The following LRMDA variants were observed in gnomAD, a reference collection of about 807,000 sequenced individuals.
LRMDA encodes the protein leucine-rich melanocyte differentiation-associated protein.
In LRMDA, 18 loss-of-function variants were observed where a neutral mutation model predicts 29.8. The observed-to-expected ratio is 0.60, with a 90% CI of 0.42 to 0.90. LRMDA has a LOEUF of 0.90. Ranked by LOEUF, LRMDA falls within the 40% of genes least tolerant of loss-of-function variation. The pLI, the probability that LRMDA is intolerant of heterozygous loss-of-function variation, is 0.00. For missense variants in LRMDA, 273 were observed against 273.9 expected (o/e 1.00, Z 0.02); for synonymous variants, 125 against 109.4 (o/e 1.14, Z -0.89).
At position 76,314,327 on chromosome 10, in the gene LRMDA, C is replaced by T. The variant is rs1283906340; in HGVS notation, c.517-10074C>T. On this transcript the variant is annotated intron_variant, in intron 5 of 6. Coordinates refer to ENST00000611255, the MANE Select transcript of LRMDA (RefSeq NM_001305581.2). ...GCTCAAGTGATCTGCCTACCTTGGC[C>T]TCCCAAAGTACTAGGATTACAGGTG... Among the ~76,000 whole-genome samples the T allele has an allele frequency of 4.6e-5, 7 of 152,166 alleles. No homozygotes were observed. The East Asian group carries it at 1.3e-3, about 29-fold the overall frequency.
At chr10:75,991,452 T>C (rs181742691) in intron 2 of LRMDA, among the ~76,000 whole-genome samples, 3 of 152,326 alleles carry the variant, frequency 2.0e-5, no homozygotes, top group African/African-American at 7.2e-5. Context: ...AAGGGTTTGG[T>C]TGAATCTCTA....
chr10:75,771,133 A>G (rs778406397), intron 2 of LRMDA, among the ~76,000 whole-genome samples: 1 of 152,080 alleles, frequency 6.6e-6, no homozygotes, highest in African/African-American at 2.4e-5. Context: ...CTAGCTCTGG[A>G]TTCACTGATT....
At chr10:76,001,885 G>C (rs1326429935) in intron 2 of LRMDA, among the ~76,000 whole-genome samples, 1 of 152,016 alleles carries the variant, frequency 6.6e-6, no homozygotes, top group Non-Finnish European at 1.5e-5. Flanking sequence ...ACCCCAAATG[G>C]GCTTGTTGGA....
intron 2 of LRMDA, among the ~76,000 whole-genome samples, chr10:75,702,546 G>A (rs1307732169): frequency 6.6e-6 from 1 of 152,074 alleles, no homozygotes; most frequent in Non-Finnish European, 1.5e-5. Context: ...TCTGAGTACC[G>A]AGGCCAACTG....
intron 2 of LRMDA, among the ~76,000 whole-genome samples, chr10:75,491,195 T>C (rs1844982807): frequency 6.6e-6 from 1 of 152,254 alleles, no homozygotes; most frequent in African/African-American, 2.4e-5. Context: ...GTGTCATTAT[T>C]GCATTGAGTG....
intron 2 of LRMDA, among the ~76,000 whole-genome samples, chr10:75,626,164 G>A (rs1223042341): frequency 6.6e-6 from 1 of 152,010 alleles, no homozygotes; most frequent in Non-Finnish European, 1.5e-5. Context: ...ACCCGGCCAA[G>A]AGGATGCTCT....
chr10:75,873,337 G>A (rs1845143971), intron 2 of LRMDA, among the ~76,000 whole-genome samples: 1 of 152,170 alleles, frequency 6.6e-6, no homozygotes, highest in South Asian at 2.1e-4. Context: ...CAGTACAAAT[G>A]AAAGCTTAAT....
chr10:76,220,748 G>A (rs1589381629), intron 5 of LRMDA, among the ~76,000 whole-genome samples: 1 of 152,028 alleles, frequency 6.6e-6, no homozygotes, highest in East Asian at 1.9e-4. Context: ...AGAAAAAGAG[G>A]GAATCCTCCC....
intron 5 of LRMDA, among the ~76,000 whole-genome samples, chr10:76,120,190 T>G (rs1215748534): frequency 3.4e-4 from 21 of 62,522 alleles, no homozygotes; most frequent in Admixed American, 3.0e-3. Context: ...TATGTGTTGA[T>G]TTTTTTTTTT....
intron 6 of LRMDA, among the ~76,000 whole-genome samples, chr10:76,326,958 A>T (rs369457131): frequency 6.6e-6 from 1 of 152,000 alleles, no homozygotes; most frequent in Admixed American, 6.5e-5. Context: ...TTCTATAGGT[A>T]TGTCTGATAT....
intron 2 of LRMDA, among the ~76,000 whole-genome samples, chr10:75,633,939 T>G (rs1325453859): frequency 6.6e-6 from 1 of 152,236 alleles, no homozygotes; most frequent in Non-Finnish European, 1.5e-5. Context: ...AATATCTATT[T>G]ACGTGTTTTA....
chr10:75,602,643 A>G (rs539974198), intron 2 of LRMDA, among the ~76,000 whole-genome samples: 15 of 152,216 alleles, frequency 9.9e-5, no homozygotes, highest in Non-Finnish European at 1.0e-4. Flanking sequence ...AACTCCTAGG[A>G]GATGTTGTCT....
chr10:75,454,601 C>T (rs541011689), intron 2 of LRMDA, among the ~76,000 whole-genome samples: 16 of 152,302 alleles, frequency 1.1e-4, no homozygotes, highest in African/African-American at 2.2e-4. Context: ...GTGCTTCCTC[C>T]GAAAGTGCTG....
At chr10:76,041,570 G>A (rs993395200) in intron 3 of LRMDA, among the ~76,000 whole-genome samples, 1 of 152,194 alleles carries the variant, frequency 6.6e-6, no homozygotes, top group African/African-American at 2.4e-5. Context: ...TATGGAGGTT[G>A]CCCTTTAACC....
rs553429104 is a variant in LRMDA at position 75,918,228 on chromosome 10, C to T, written c.132-117780C>T. Reference sequence around the variant, plus strand: ...TCTAGCCGTAGAACAGTGGCCTTTACCACTACCCTATTGTATTATGCCATT... The same window carrying T: ...TCTAGCCGTAGAACAGTGGCCTTTATCACTACCCTATTGTATTATGCCATT... On this transcript the variant is annotated intron_variant, in intron 2 of 6. Coordinates refer to ENST00000611255, the MANE Select transcript of LRMDA (RefSeq NM_001305581.2). 3.9e-5 allele frequency among the ~76,000 whole-genome samples: 6 copies of T among 152,304 alleles called. No homozygotes were observed. The East Asian group carries it at 1.2e-3, about 29-fold the overall frequency.
chr10:75,561,984 G>A (rs1840302689), intron 2 of LRMDA, among the ~76,000 whole-genome samples: 1 of 152,026 alleles, frequency 6.6e-6, no homozygotes, highest in African/African-American at 2.4e-5. Context: ...GTGTGGTGTG[G>A]TGCTGAAAAA....
At chr10:75,502,860 C>T (rs1364894470) in intron 2 of LRMDA, among the ~76,000 whole-genome samples, 3 of 152,204 alleles carry the variant, frequency 2.0e-5, no homozygotes, top group Non-Finnish European at 4.4e-5. Context: ...CTTGCCCTGA[C>T]TGGTGCTGTT....
chr10:76,124,080 CT>C (rs1263958544), intron 5 of LRMDA, among the ~76,000 whole-genome samples: 1 of 152,208 alleles, frequency 6.6e-6, no homozygotes, highest in Non-Finnish European at 1.5e-5. Context: ...CCTCTCTCCT[CT>C]GCCACCTCTC....
At chr10:75,596,486 C>A (rs192462341) in intron 2 of LRMDA, among the ~76,000 whole-genome samples, 22 of 152,270 alleles carry the variant, frequency 1.4e-4, no homozygotes, top group African/African-American at 4.6e-4. Context: ...CGTGCACTTA[C>A]AACAAACCCT....
Sources: allele counts gnomAD v4.1 joint callset (sites outside exome capture counted in the v4.1 genomes callset), GRCh38; gene constraint gnomAD v4.1.1; transcripts MANE v1.5; gene names NCBI Gene and HGNC (gene_info 2026-07-23, HGNC 2026-07-21).